Variants in GFPT1 observed in about 807,000 individuals in gnomAD.
GFPT1 encodes the protein glutamine--fructose-6-phosphate aminotransferase [isomerizing] 1.
A neutral mutation model predicts 92.0 loss-of-function variants in GFPT1; 40 were observed. That is an observed-to-expected ratio of 0.43 (90% CI 0.34 to 0.57). The LOEUF (loss-of-function observed/expected upper bound fraction) is 0.57, where lower values mean the gene tolerates loss of function less well. Ranked by LOEUF, GFPT1 falls within the 20% of genes least tolerant of loss-of-function variation. The pLI, the probability that GFPT1 is intolerant of heterozygous loss-of-function variation, is 0.02. For missense variants in GFPT1, 448 were observed against 869.1 expected (o/e 0.52, Z 6.09); for synonymous variants, 269 against 280.6 (o/e 0.96, Z 0.41).
chr2:69,327,116 G>A (rs1670549603), intron 18 of GFPT1, 41 bp from the exon 19 acceptor site: 1 of 1,592,024 alleles, frequency 6.3e-7, no homozygotes, highest in Non-Finnish European at 8.6e-7. Flanking sequence ...ATCACTGGTG[G>A]GCAAAGGCAG....
chr2:69,384,693 CAAAAAAAAAAAA>C (rs71964630), intron 1 of GFPT1, among the ~76,000 whole-genome samples: 1 of 106,630 alleles, frequency 9.4e-6, no homozygotes, highest in Non-Finnish European at 1.9e-5. Context: ...GGCCCCGTCA[CAAAAAAAAAAAA>C]AAAAAAAGAA....
chr2:69,382,281 T>C (rs1167713331), intron 1 of GFPT1, among the ~76,000 whole-genome samples: 2 of 152,210 alleles, frequency 1.3e-5, no homozygotes, highest in Admixed American at 6.5e-5. Context: ...TATTCAATGA[T>C]CTAGAACAAT....
chr2:69,340,932 G>C (rs1206959720), intron 13 of GFPT1, among the ~76,000 whole-genome samples: 1 of 151,646 alleles, frequency 6.6e-6, no homozygotes, highest in Non-Finnish European at 1.5e-5. Flanking sequence ...CCACTAACGT[G>C]TTTACATCTT....
intron 13 of GFPT1, among the ~76,000 whole-genome samples, chr2:69,340,556 G>A (rs558044638): frequency 2.0e-4 from 31 of 152,186 alleles, no homozygotes; most frequent in Non-Finnish European, 3.7e-4. Context: ...ACCAAGGTCT[G>A]ATGATTTTTC....
At chr2:69,370,133 C>T in intron 2 of GFPT1, 25 bp from the exon 3 acceptor site, 5 of 1,401,386 alleles carry the variant, frequency 3.6e-6, no homozygotes, top group Non-Finnish European at 5.1e-6. Context: ...GGTAAAAAAG[C>T]AAAATTTAGA....
At chr2:69,328,984 C>T (rs947362681) in intron 17 of GFPT1, among the ~76,000 whole-genome samples, 5 of 152,130 alleles carry the variant, frequency 3.3e-5, no homozygotes, top group Admixed American at 2.0e-4. Flanking sequence ...GGATTATAGA[C>T]GTGAGCCACT....
intron 15 of GFPT1, among the ~76,000 whole-genome samples, chr2:69,336,351 AAAAAAG>A (rs1013509477): frequency 1.3e-5 from 2 of 150,710 alleles, no homozygotes; most frequent in South Asian, 2.1e-4. Context: ...AAAAAAAAAA[AAAAAAG>A]AAAAAGAAAA....
chr2:69,368,172 G>A (rs1224357079), intron 3 of GFPT1, among the ~76,000 whole-genome samples: 1 of 152,232 alleles, frequency 6.6e-6, no homozygotes, highest in Non-Finnish European at 1.5e-5. Flanking sequence ...CACGAGGTCA[G>A]GAGATCGAGA....
chr2:69,377,037 C>A (rs994604360), intron 1 of GFPT1, among the ~76,000 whole-genome samples: 1 of 151,618 alleles, frequency 6.6e-6, no homozygotes, highest in East Asian at 1.9e-4. Flanking sequence ...GCTGAAACTC[C>A]GTCTCCACAA....
At chr2:69,383,210 G>C (rs1672050457) in intron 1 of GFPT1, among the ~76,000 whole-genome samples, 1 of 152,178 alleles carries the variant, frequency 6.6e-6, no homozygotes, top group African/African-American at 2.4e-5. Context: ...GTTAAAGTTA[G>C]GTATATATTT....
At chr2:69,345,412 T>C (rs1671059874) in intron 12 of GFPT1, among the ~76,000 whole-genome samples, 1 of 152,190 alleles carries the variant, frequency 6.6e-6, no homozygotes, top group African/African-American at 2.4e-5. Flanking sequence ...GCCAGGCAGA[T>C]ACACATAAGC....
At position 69,325,335 on chromosome 2, in the gene GFPT1, G is replaced by A. The variant is rs1176734887; in HGVS notation, c.*854C>T. 1 of 152,100 alleles carries A rather than the reference G, an allele frequency of 6.6e-6. No individual in the cohort carries two copies. Among genetic ancestry groups the A allele is most frequent in the Non-Finnish European group, 1.5e-5 (1 of 68,004 alleles). The allele number at this position is 152,100 out of a possible 1,614,324, so 9.4% of individuals were successfully genotyped here. On this transcript the variant is annotated 3_prime_UTR_variant, in exon 20 of 20. Transcript: ENST00000357308. ...GATTTTAAAGAACAAGATAAAATAT[G>A]TCATTCAGCAGTCATTTAAAAAATA...
chr2:69,324,481 T>C lies in GFPT1; in HGVS notation c.*1708A>G, dbSNP rs1380914415. ...ATATAGCTATAATAGCCATATATTA[T>C]ATATAATGTAAATAGTGACCCTATT... is the stretch of plus-strand genomic sequence containing the variant. On this transcript the variant is annotated 3_prime_UTR_variant, in exon 20 of 20. Transcript: ENST00000357308. 6.6e-6 allele frequency: 1 copy of C among 152,142 alleles called. No individual in the cohort carries two copies. Among genetic ancestry groups the C allele is most frequent in the African/African-American group, 2.4e-5 (1 of 41,428 alleles). 9.4% of individuals were successfully genotyped at this position (152,142 alleles called of 1,614,324 possible). A position where few individuals can be genotyped will look rare whatever the true frequency, so the allele number is the denominator to read the frequency against.
Position 69,358,406 on chromosome 2 carries a change from C to A in GFPT1, c.466G>T (p.Val156Phe). The A allele has an allele frequency of 6.2e-7, 1 of 1,609,984 alleles. No homozygotes were observed. Among genetic ancestry groups the A allele is most frequent in the Non-Finnish European group, 8.5e-7 (1 of 1,176,494 alleles). Residue 156 changes from valine (V) to phenylalanine (F), a missense_variant, in exon 6 of 20, where the codon GTT (valine) becomes TTT (phenylalanine). This residue lies in a region of GFPT1 where 118 missense variants were observed against 192.9 expected (regional missense o/e 0.61). Transcript: ENST00000357308. ...TCCCGATTGTCATACATATACTTAA[C>A]GAGCTTGGCAATTGTCTCTGTGTCT... The part of the protein sequence containing the change: ...ETDTETIAKL[V>F]KYMYDNRESQ...
chr2:69,339,363 G>C (rs1294405703), intron 13 of GFPT1, among the ~76,000 whole-genome samples: 1 of 152,012 alleles, frequency 6.6e-6, no homozygotes, highest in African/African-American at 2.4e-5. Context: ...TGTTTAACAG[G>C]GCTCACTATT....
intron 1 of GFPT1, among the ~76,000 whole-genome samples, chr2:69,375,808 T>C (rs1017400774): frequency 6.6e-6 from 1 of 152,200 alleles, no homozygotes; most frequent in South Asian, 2.1e-4. Flanking sequence ...ACAAATAGCA[T>C]TCCCAACCTC....
Position 69,325,173 on chromosome 2 carries a change from C to T in GFPT1, c.*1016G>A, listed in dbSNP as rs1670499331. 6.6e-6 allele frequency: 1 copy of T among 152,082 alleles called. No homozygotes were observed. Among genetic ancestry groups the T allele is most frequent in the Admixed American group, 6.5e-5 (1 of 15,274 alleles). 9.4% of individuals were successfully genotyped at this position (152,082 alleles called of 1,614,324 possible). The stretch of plus-strand genomic sequence containing the variant: ...CAAACAATTGCAAGTAACTTCCAAA[C>T]TGGCACTAAGGGACTAGTTTTATGC... On this transcript the variant is annotated 3_prime_UTR_variant, in exon 20 of 20. Transcript: ENST00000357308.
At chr2:69,344,268 G>A (rs1257707266) in intron 12 of GFPT1, among the ~76,000 whole-genome samples, 3 of 148,052 alleles carry the variant, frequency 2.0e-5, no homozygotes, top group African/African-American at 7.4e-5. Context: ...TGACATGGAT[G>A]TAAGACAGTG....
chr2:69,378,594 AC>A (rs1671936351), intron 1 of GFPT1, among the ~76,000 whole-genome samples: 1 of 152,352 alleles, frequency 6.6e-6, no homozygotes, highest in Middle Eastern at 3.4e-3. Flanking sequence ...CACCTTGCTA[AC>A]AAAATTTCAG....
Sources: allele counts gnomAD v4.1 joint callset (sites outside exome capture counted in the v4.1 genomes callset), GRCh38; gene constraint gnomAD v4.1.1; regional missense constraint gnomAD v4.1.1; transcripts MANE v1.5; gene names NCBI Gene and HGNC (gene_info 2026-07-23, HGNC 2026-07-21).